Variants in LY75 observed in about 807,000 individuals in gnomAD.
LY75 encodes C-type lectin domain family 13 member B.
LY75 carries 185 observed loss-of-function variants against 231.7 expected under a neutral mutation model. That is an observed-to-expected ratio of 0.80 (90% CI 0.71 to 0.90). The LOEUF (loss-of-function observed/expected upper bound fraction) is 0.90, where lower values mean the gene tolerates loss of function less well. Among genes scored for constraint, LY75 ranks in the 40% least tolerant of loss-of-function variants. The pLI, the probability that LY75 is intolerant of heterozygous loss-of-function variation, is 0.00. For missense variants in LY75, 1,947 were observed against 2,050.2 expected (o/e 0.95, Z 0.97); for synonymous variants, 668 against 689.0 (o/e 0.97, Z 0.48).
chr2:159,809,889 G>A (rs531549092), intron 32 of LY75, among the ~76,000 whole-genome samples: 2 of 151,926 alleles, frequency 1.3e-5, no homozygotes, highest in African/African-American at 2.4e-5. Context: ...TGTTGGTCAC[G>A]CTAGTCTTTA....
rs370313132 is a variant in LY75, at chr2:159,881,183, T to C, written c.1304A>G (p.Gln435Arg). Reference protein sequence around the residue: ...LKNINIPTLFQWSDGTEVTLT... With the variant: ...LKNINIPTLFRWSDGTEVTLT... ...AGTAACTTCAGTACCATCTGACCAC[T>C]GAAATAAAGTTGGTATGTTTATGTT... is the stretch of plus-strand genomic sequence containing the variant. The change falls in exon 8 of 35, where the codon CAG becomes CGG. Residue 435 changes from glutamine to arginine, a missense_variant. Physicochemically the swap from Gln to Arg is conservative, Grantham distance 43. Coordinates refer to ENST00000263636, the MANE Select transcript of LY75 (RefSeq NM_002349.4). The C allele has an allele frequency of 2.5e-6, 4 of 1,613,804 alleles. No individual in the cohort carries two copies. The African/African-American group carries it at 5.3e-5, about 22-fold the overall frequency.
chr2:159,816,441 G>C (rs1683121437), intron 30 of LY75, among the ~76,000 whole-genome samples: 1 of 152,190 alleles, frequency 6.6e-6, no homozygotes, highest in African/African-American at 2.4e-5. Flanking sequence ...GGTTGCAAAG[G>C]TTAATGATCA....
rs1252292375 is a variant in LY75 at position 159,854,956 on chromosome 2, G to C, written c.2384-17C>G. 6.2e-7 allele frequency: 1 copy of C among 1,613,680 alleles called. No individual in the cohort carries two copies. Among genetic ancestry groups the C allele is most frequent in the Admixed American group, 1.7e-5 (1 of 59,972 alleles). On this transcript the variant is annotated splice_polypyrimidine_tract_variant and intron_variant, in intron 16 of 34. Transcript: ENST00000263636. ...GAGTACGGCCTGTATGAGGAAGAAA[G>C]CAAGTGGCATTAGTATTCCATGACA...
chr2:159,881,303 T>C, intron 7 of LY75, 63 bp from the exon 8 acceptor site: 1 of 1,494,132 alleles, frequency 6.7e-7, no homozygotes, highest in Non-Finnish European at 8.9e-7. Context: ...ATGTACATTG[T>C]TATACAAATT....
chr2:159,850,692 T>A (rs1684359819), intron 21 of LY75, among the ~76,000 whole-genome samples: 1 of 146,272 alleles, frequency 6.8e-6, no homozygotes, highest in African/African-American at 2.6e-5. Context: ...AGTGGTGCAA[T>A]CATAGCTCAC....
chr2:159,896,382 A>T (rs954925844), intron 2 of LY75, among the ~76,000 whole-genome samples: 1 of 152,206 alleles, frequency 6.6e-6, no homozygotes, highest in Non-Finnish European at 1.5e-5. Flanking sequence ...ACAGTGATAA[A>T]TTAATGTTCT....
At chr2:159,890,186 G>A (rs1485612572) in intron 4 of LY75, 27 bp downstream of exon 4, 1 of 1,595,316 alleles carries the variant, frequency 6.3e-7, no homozygotes, top group South Asian at 1.1e-5. Flanking sequence ...TAGCCAATTT[G>A]CTCTATCACA....
chr2:159,829,156 G>A (rs1683572106), intron 28 of LY75, among the ~76,000 whole-genome samples: 1 of 152,148 alleles, frequency 6.6e-6, no homozygotes, highest in Non-Finnish European at 1.5e-5. Context: ...TGTTGTCCTG[G>A]TTATTTCTGG....
At chr2:159,818,703 G>A (rs77023945) in intron 29 of LY75, among the ~76,000 whole-genome samples, 1 of 152,078 alleles carries the variant, frequency 6.6e-6, no homozygotes, top group South Asian at 2.1e-4. Flanking sequence ...CAACAGTAGG[G>A]GAAATTGATT....
Position 159,854,399 on chromosome 2 carries a change from A to C in LY75, c.2556T>G (p.Ser852=). The C allele has an allele frequency of 6.5e-7, 1 of 1,526,720 alleles. No homozygotes were observed. The highest frequency in any genetic ancestry group is 8.9e-7 in the Non-Finnish European group (1 of 1,129,090). 94.6% of individuals were successfully genotyped at this position (1,526,720 alleles called of 1,614,324 possible). A position where few individuals can be genotyped will look rare whatever the true frequency, so the allele number is the denominator to read the frequency against. Residue 852 remains serine, a synonymous_variant, in exon 18 of 35, where the codon TCT becomes TCG. Coordinates refer to ENST00000263636, the MANE Select transcript of LY75 (RefSeq NM_002349.4). The part of the protein sequence containing the change: ...SNHSFLATIT[S]FVGLKAIKNK... ...TTTTGATGGCTTTTAGTCCCACAAA[A>C]GATGTTATAGTTGCAAGAAAGCTGT...
intron 30 of LY75, among the ~76,000 whole-genome samples, chr2:159,815,809 C>T (rs764694697): frequency 4.0e-4 from 61 of 152,300 alleles, no homozygotes; most frequent in Admixed American, 1.5e-3. Flanking sequence ...AGAGTTACTA[C>T]ACCTGGTCTT....
In LY75 at chr2:159,845,777, G is replaced by A. The variant is rs903751435; in HGVS notation, c.3151-3403C>T. On this transcript the variant is annotated intron_variant, in intron 23 of 34. Coordinates refer to ENST00000263636, the MANE Select transcript of LY75 (RefSeq NM_002349.4). ...AACCCATGGATATGAAGGGCTGACT[G>A]TATTTGTATGTTATATACACACATA... is the stretch of plus-strand genomic sequence containing the variant. Among the ~76,000 whole-genome samples the A allele has an allele frequency of 6.6e-5, 10 of 151,418 alleles. 1 individual carries two copies. In the East Asian group the frequency reaches 1.8e-3, roughly 27 times the overall value.
intron 29 of LY75, among the ~76,000 whole-genome samples, chr2:159,818,257 CTT>C (rs1683182436): frequency 1.3e-5 from 2 of 152,150 alleles, no homozygotes; most frequent in South Asian, 4.1e-4. Flanking sequence ...AAAGAGGTAA[CTT>C]TGCAGCAGAG....
intron 23 of LY75, among the ~76,000 whole-genome samples, chr2:159,846,232 CA>C (rs994669079): frequency 1.3e-5 from 2 of 151,642 alleles, no homozygotes; most frequent in African/African-American, 2.4e-5. Context: ...AAAAAACACA[CA>C]AAAAACAGAG....
intron 11 of LY75, among the ~76,000 whole-genome samples, chr2:159,877,977 A>T (rs1685324277): frequency 6.6e-6 from 1 of 152,232 alleles, no homozygotes; most frequent in South Asian, 2.1e-4. Context: ...AAATAGGTTA[A>T]GAAGCAGAGA....
In LY75 at chr2:159,805,222, C is replaced by A. The variant is rs1290053012; in HGVS notation, c.4991G>T (p.Gly1664Val). ...GATAGCTATTGCTGTGTAATCAGGGCCTGGAACAGGAAAAGGTTTGATGTT... is the reference window on the plus strand; with the variant it reads ...GATAGCTATTGCTGTGTAATCAGGGACTGGAACAGGAAAAGGTTTGATGTT... ...FGRVVCKVPL[G>V]PDYTAIAIIV... The change falls in exon 35 of 35, where the codon GGC (glycine) becomes GTC (valine). Residue 1664 changes from glycine to valine, a missense_variant and splice_region_variant. Transcript: ENST00000263636. 3 of 1,612,434 alleles carry A rather than the reference C, an allele frequency of 1.9e-6. No homozygotes were observed. The highest frequency in any genetic ancestry group is 1.7e-5 in the Admixed American group (1 of 59,894).
intron 3 of LY75, among the ~76,000 whole-genome samples, chr2:159,891,407 A>T (rs1473468576): frequency 2.6e-5 from 4 of 152,276 alleles, no homozygotes; most frequent in African/African-American, 7.2e-5. Context: ...GATAAAAACA[A>T]AATAGGGTGG....
chr2:159,845,939 C>T (rs1684189172), intron 23 of LY75, among the ~76,000 whole-genome samples: 2 of 151,506 alleles, frequency 1.3e-5, no homozygotes, highest in African/African-American at 4.8e-5. Context: ...AAAGAGGCAT[C>T]CTATATTGCT....
At position 159,899,009 on chromosome 2, in the gene LY75, G is replaced by C; in HGVS notation, c.145C>G (p.Pro49Ala). The change falls in exon 2 of 35, where the codon CCA (proline) becomes GCA (alanine). Residue 49 changes from proline (P) to alanine (A), a missense_variant. Coordinates refer to ENST00000263636, the MANE Select transcript of LY75 (RefSeq NM_002349.4). Reference sequence around the variant, plus strand: ...TCTGCTACTATCCAGCCATACACTGGCTTGATGCACTTGCCCGTATTTCCA... The same window carrying C: ...TCTGCTACTATCCAGCCATACACTGCCTTGATGCACTTGCCCGTATTTCCA... ...VHGNTGKCIK[P>A]VYGWIVADDC... The C allele has an allele frequency of 6.2e-7, 1 of 1,614,122 alleles. No homozygotes were observed. Among genetic ancestry groups the C allele is most frequent in the Non-Finnish European group, 8.5e-7 (1 of 1,179,974 alleles).
Sources: allele counts gnomAD v4.1 joint callset (sites outside exome capture counted in the v4.1 genomes callset), GRCh38; gene constraint gnomAD v4.1.1; transcripts MANE v1.5; gene names NCBI Gene and HGNC (gene_info 2026-07-23, HGNC 2026-07-21).